The following LMAN1 variants were observed in gnomAD, a reference collection of about 807,000 sequenced individuals.
LMAN1 encodes lectin, mannose binding 1.
LMAN1 carries 32 observed loss-of-function variants against 67.8 expected under a neutral mutation model. The ratio of observed to expected loss-of-function variants is 0.47; its 90% CI spans 0.36 to 0.63. The LOEUF (loss-of-function observed/expected upper bound fraction) is 0.63, where lower values mean the gene tolerates loss of function less well. Among genes scored for constraint, LMAN1 ranks in the 30% least tolerant of loss-of-function variants. The pLI is 0.00. For missense variants in LMAN1, 632 were observed against 628.2 expected (o/e 1.01, Z -0.06); for synonymous variants, 235 against 219.3 (o/e 1.07, Z -0.63).
chr18:59,350,769 A>G (rs2144228200), intron 5 of LMAN1, among the ~76,000 whole-genome samples: 1 of 152,332 alleles, frequency 6.6e-6, no homozygotes, highest in East Asian at 1.9e-4. Context: ...TGCTAGGATT[A>G]CATGTGTGAG....
chr18:59,346,209 CTTTTTTTTTTTTTT>C (rs370183077), intron 7 of LMAN1, among the ~76,000 whole-genome samples, 158 bp from the exon 8 acceptor site: 23 of 61,610 alleles, frequency 3.7e-4, no homozygotes, highest in Non-Finnish European at 7.2e-4. Flanking sequence ...GCAAATTACT[CTTTTTTTTTTTTTT>C]TTTTTTTTTT....
chr18:59,346,154 G>T, intron 7 of LMAN1, 103 bp from the exon 8 acceptor site: 1 of 927,998 alleles, frequency 1.1e-6, no homozygotes, highest in South Asian at 1.6e-5. Flanking sequence ...TACCACTAGC[G>T]GAAAGGTTAA....
At chr18:59,336,753 A>C (rs1369614810) in intron 10 of LMAN1, among the ~76,000 whole-genome samples, 1 of 152,016 alleles carries the variant, frequency 6.6e-6, no homozygotes, top group Non-Finnish European at 1.5e-5. Flanking sequence ...GTGTGGTGGC[A>C]TGTACCTGTA....
chr18:59,356,559 A>G (rs1908664256), intron 1 of LMAN1, among the ~76,000 whole-genome samples: 1 of 152,218 alleles, frequency 6.6e-6, no homozygotes. Flanking sequence ...GGGAAATACA[A>G]CTGTAACTGT....
Position 59,338,865 on chromosome 18 carries a change from C to CA in LMAN1, c.1043dup (p.Asn349GlufsTer9). On this transcript the variant is annotated frameshift_variant, in exon 9 of 13. Transcript: ENST00000251047. LOFTEE classifies it high-confidence loss of function. ...CAAGAATCATATCTAACTGCCGGTT[C>CA]AGCTGCTTGATTTCAAGATGAATAC... 6.2e-7 allele frequency: 1 copy of CA among 1,613,756 alleles called. No individual in the cohort carries two copies.
At chr18:59,346,124 T>A (rs1908398140) in intron 7 of LMAN1, 73 bp from the exon 8 acceptor site, 1 of 1,317,298 alleles carries the variant, frequency 7.6e-7, no homozygotes, top group Non-Finnish European at 1.1e-6. Flanking sequence ...TACATGTTAT[T>A]TTTCTCATTT....
chr18:59,352,138 T>A (rs772879919), intron 5 of LMAN1, among the ~76,000 whole-genome samples: 2 of 152,206 alleles, frequency 1.3e-5, no homozygotes, highest in African/African-American at 2.4e-5. Flanking sequence ...TAACTGCCAG[T>A]TAGATATCTC....
chr18:59,333,001 T>G, intron 11 of LMAN1, 90 bp downstream of exon 11: 2 of 1,075,390 alleles, frequency 1.9e-6, no homozygotes, highest in South Asian at 2.7e-5. Context: ...AGCATTAGCA[T>G]TAACTAAAGG....
intron 1 of LMAN1, among the ~76,000 whole-genome samples, chr18:59,356,991 TA>T (rs1603396334): frequency 1.3e-5 from 2 of 152,154 alleles, no homozygotes; most frequent in African/African-American, 2.4e-5. Context: ...GGGTTGAAGG[TA>T]AAGGGCTGTG....
intron 10 of LMAN1, 144 bp from the exon 11 acceptor site, chr18:59,333,388 G>A (rs1213136248): frequency 1.5e-6 from 1 of 645,260 alleles, no homozygotes; most frequent in Non-Finnish European, 2.6e-6. Context: ...TAAAAATCGA[G>A]TTGTGTTCAA....
intron 8 of LMAN1, among the ~76,000 whole-genome samples, chr18:59,343,327 G>A (rs1458962929): frequency 6.6e-6 from 1 of 151,688 alleles, no homozygotes; most frequent in African/African-American, 2.4e-5. Context: ...AAAAAAAAGG[G>A]AGCCCAAATA....
chr18:59,350,663 T>A (rs1489902973), intron 5 of LMAN1, among the ~76,000 whole-genome samples: 1 of 152,156 alleles, frequency 6.6e-6, no homozygotes, highest in East Asian at 1.9e-4. Flanking sequence ...CCTGGCTAAT[T>A]TTTTTGTATT....
At chr18:59,336,918 A>T (rs1018721684) in intron 10 of LMAN1, among the ~76,000 whole-genome samples, 4 of 148,346 alleles carry the variant, frequency 2.7e-5, no homozygotes, top group Non-Finnish European at 4.5e-5. Context: ...AAAAATAAAA[A>T]TTAAAAAAAA....
At chr18:59,354,270 A>G (rs1178281027) in intron 4 of LMAN1, among the ~76,000 whole-genome samples, 1 of 152,210 alleles carries the variant, frequency 6.6e-6, no homozygotes, top group Non-Finnish European at 1.5e-5. Flanking sequence ...AACTTTCAAA[A>G]GTATATTATT....
intron 5 of LMAN1, among the ~76,000 whole-genome samples, chr18:59,352,310 T>C (rs1908561220): frequency 6.6e-6 from 1 of 152,148 alleles, no homozygotes; most frequent in Admixed American, 6.5e-5. Context: ...ATTCAGGAAC[T>C]CTCCTTGACT....
intron 10 of LMAN1, among the ~76,000 whole-genome samples, chr18:59,336,212 G>A (rs1025074135): frequency 2.6e-5 from 4 of 152,164 alleles, no homozygotes; most frequent in African/African-American, 9.7e-5. Flanking sequence ...CGGTAGTAAT[G>A]AGCATACCTA....
chr18:59,343,345 C>T (rs34447862), intron 8 of LMAN1, among the ~76,000 whole-genome samples: 12,892 of 151,870 alleles, frequency 0.085, 623 homozygotes, highest in Middle Eastern at 0.14. Context: ...ATAGCCAAAG[C>T]AATGCTAAGC....
chr18:59,352,707 G>A (rs77604244), intron 5 of LMAN1: 2,037 of 187,038 alleles, frequency 0.011, 15 homozygotes, highest in Non-Finnish European at 0.017. Context: ...CTGAGAAAAT[G>A]TTCCTGCCCT....
intron 4 of LMAN1, among the ~76,000 whole-genome samples, chr18:59,354,148 C>T (rs1908607036): frequency 6.6e-6 from 1 of 152,062 alleles, no homozygotes; most frequent in Admixed American, 6.6e-5. Flanking sequence ...GCATAAATTG[C>T]TTAATCATCA....
Sources: allele counts gnomAD v4.1 joint callset (sites outside exome capture counted in the v4.1 genomes callset), GRCh38; gene constraint gnomAD v4.1.1; transcripts MANE v1.5; gene names NCBI Gene and HGNC (gene_info 2026-07-23, HGNC 2026-07-21).